SYS1: variants seen among roughly 807,000 people sequenced by gnomAD.
SYS1 encodes SYS1 golgi trafficking protein.
Under a neutral mutation model 17.8 loss-of-function variants are expected in SYS1, and 8 were observed. That is an observed-to-expected ratio of 0.45 (90% confidence interval 0.26 to 0.81). SYS1 has a LOEUF of 0.81. Among genes scored for constraint, SYS1 ranks in the 40% least tolerant of loss-of-function variants. The pLI is 0.16. For synonymous variants in SYS1, 95 were observed against 90.9 expected (o/e 1.05, Z -0.26); for missense variants, 161 against 203.9 (o/e 0.79, Z 1.28).
In SYS1 at chr20:45,367,763, A is replaced by G. The variant is rs1442968052; in HGVS notation, c.*648A>G. On this transcript the variant is annotated 3_prime_UTR_variant, in exon 4 of 4. Transcript: ENST00000243918. ...TGACTTTCTTCCAGTTCCTTCTACC[A>G]GGTCCCCATCCTGCTGCCAGCTCTC... is the stretch of plus-strand genomic sequence containing the variant. The G allele has an allele frequency of 3.0e-6, 3 of 986,392 alleles. No homozygotes were observed. The highest frequency in any genetic ancestry group is 1.2e-6 in the Non-Finnish European group (1 of 830,368). The allele number at this position is 986,392 out of a possible 1,614,324, so 61.1% of individuals were successfully genotyped here. A position where few individuals can be genotyped will look rare whatever the true frequency, so the allele number is the denominator to read the frequency against.
In SYS1 at chr20:45,375,136, C is replaced by T. The variant is rs763292687; in HGVS notation, c.*842C>T. ...CAGGGTGGAGGATCTGCACATCACCCTGGGCGCCGGGAGGTGGATTCGTGT... is the reference window on the plus strand; with the variant it reads ...CAGGGTGGAGGATCTGCACATCACCTTGGGCGCCGGGAGGTGGATTCGTGT... On this transcript the variant is annotated 3_prime_UTR_variant, in exon 4 of 4. Transcript: ENST00000426004. The T allele has an allele frequency of 4.3e-6, 7 of 1,614,192 alleles. No homozygotes were observed. The East Asian group carries it at 1.6e-4, about 36-fold the overall frequency.
rs1988434752 is a variant in SYS1, at chr20:45,366,916, G to C, written c.272G>C (p.Cys91Ser). 6.2e-7 allele frequency: 1 copy of C among 1,614,068 alleles called. No homozygotes were observed. Among genetic ancestry groups the C allele is most frequent in the Admixed American group, 1.7e-5 (1 of 60,008 alleles). The change falls in exon 4 of 4, where the codon TGT (cysteine) becomes TCT (serine). Residue 91 changes from cysteine (C) to serine (S), a missense_variant. By Grantham distance (112) the Cys-to-Ser change is moderately radical. Transcript: ENST00000243918. ...TACTTCATCCGGCGAGGAAAGCAGT[G>C]TCTGGATTTCACTGTCACTGTCCAT... Reference protein sequence around the residue: ...LLYFIRRGKQCLDFTVTVHFF... With the variant: ...LLYFIRRGKQSLDFTVTVHFF...
At chr20:45,371,917 C>A (rs577205245), downstream of SYS1, among the ~76,000 whole-genome samples, 1 of 152,304 alleles carries the variant, frequency 6.6e-6, no homozygotes, top group East Asian at 1.9e-4. Context: ...TTTGCTTAAA[C>A]CCCCCTGAAA....
exon 4 of SYS1, chr20:45,375,230 T>C (rs1021758785): frequency 1.2e-6 from 2 of 1,614,084 alleles, no homozygotes; most frequent in African/African-American, 2.7e-5. Context: ...ATGGGAGTTC[T>C]ATTGCGGTAG....
upstream of SYS1, among the ~76,000 whole-genome samples, chr20:45,362,389 G>A (rs574125415): frequency 2.0e-5 from 3 of 149,604 alleles, no homozygotes; most frequent in Non-Finnish European, 3.0e-5. Flanking sequence ...ATTTAGAGAC[G>A]GAGTTTTGCT....
At chr20:45,365,773 C>G in intron 3 of SYS1, 87 bp downstream of exon 3, 1 of 1,389,330 alleles carries the variant, frequency 7.2e-7, no homozygotes, top group Non-Finnish European at 1.0e-6. Context: ...CAGGCTGGCA[C>G]TTGTTTCTGG....
rs1448569628 is a variant in SYS1, at chr20:45,367,040, C to T, written c.396C>T (p.Val132=). The change falls in exon 4 of 4, where the codon GTC becomes GTT. Residue 132 remains valine, a synonymous_variant. Transcript: ENST00000243918. Reference sequence around the variant, plus strand: ...CCGTGTGCATTGCACTCATGGCTGTCATCGGGGAGTACCTGTGCATGCGGA... The same window carrying T: ...CCGTGTGCATTGCACTCATGGCTGTTATCGGGGAGTACCTGTGCATGCGGA... ...VQAVCIALMA[V]IGEYLCMRTE... is the part of the protein sequence containing the mutation. The T allele has an allele frequency of 6.2e-7, 1 of 1,614,088 alleles. No homozygotes were observed. The highest frequency in any genetic ancestry group is 1.3e-5 in the African/African-American group (1 of 74,920).
At chr20:45,371,901 GC>G (rs1370803953), downstream of SYS1, among the ~76,000 whole-genome samples, 12 of 152,212 alleles carry the variant, frequency 7.9e-5, no homozygotes, top group African/African-American at 2.9e-4. Flanking sequence ...CCTACATCAA[GC>G]TTGATTTGCT....
chr20:45,373,828 C>G (rs1988632342), downstream of SYS1: 1 of 1,383,132 alleles, frequency 7.2e-7, no homozygotes, highest in Non-Finnish European at 1.0e-6. Context: ...CTACCGAAGG[C>G]CTCTTTCCTT....
intron 3 of SYS1, chr20:45,365,930 C>A (rs962501279): frequency 2.6e-4 from 140 of 541,328 alleles, no homozygotes; most frequent in Middle Eastern, 1.5e-3. Flanking sequence ...TCTCAGATAA[C>A]TTCCCTGATG....
chr20:45,362,335 G>A (rs1417088927), upstream of SYS1, among the ~76,000 whole-genome samples: 1 of 143,046 alleles, frequency 7.0e-6, no homozygotes, highest in Non-Finnish European at 1.5e-5. Context: ...TAGTGTTGAG[G>A]AAACACTTGA....
downstream of SYS1, among the ~76,000 whole-genome samples, chr20:45,370,173 C>T (rs965802617): frequency 6.6e-6 from 1 of 151,384 alleles, no homozygotes; most frequent in African/African-American, 2.4e-5. Context: ...GTGATCCACC[C>T]GCCTCAGCCT....
Position 45,368,051 on chromosome 20 carries a change from G to T in SYS1, c.*936G>T. ...GCTGCTAAGATTTTTCTTTGGGGTG[G>T]AGTTTCCTCTGTGAGGGGCTTGCAG... On this transcript the variant is annotated 3_prime_UTR_variant, in exon 4 of 4. Transcript: ENST00000243918. The T allele has an allele frequency of 1.0e-6, 1 of 985,538 alleles. No individual in the cohort carries two copies. 61.0% of individuals were successfully genotyped at this position (985,538 alleles called of 1,614,324 possible). A position where few individuals can be genotyped will look rare whatever the true frequency, so the allele number is the denominator to read the frequency against.
In SYS1 at chr20:45,368,022, A is replaced by G. The variant is rs1267459814; in HGVS notation, c.*907A>G. On this transcript the variant is annotated 3_prime_UTR_variant, in exon 4 of 4. Coordinates refer to ENST00000243918, the MANE Select transcript of SYS1 (RefSeq NM_033542.4). ...GCTGATAGTGCTGAGGGAGATAGGA[A>G]TTTGCTGCTAAGATTTTTCTTTGGG... 1 of 985,448 alleles carries G rather than the reference A, an allele frequency of 1.0e-6. No homozygotes were observed. The highest frequency in any genetic ancestry group is 1.2e-6 in the Non-Finnish European group (1 of 829,984). The allele number at this position is 985,448 out of a possible 1,614,324, so 61.0% of individuals were successfully genotyped here.
chr20:45,367,860 C>T lies in SYS1; in HGVS notation c.*745C>T, dbSNP rs1988468752. ...AAGTCTAACCATCATAAAGACACTG[C>T]CTGTCTTCTAGGAATGACCAGGCAC... On this transcript the variant is annotated 3_prime_UTR_variant, in exon 4 of 4. Coordinates refer to ENST00000243918, the MANE Select transcript of SYS1 (RefSeq NM_033542.4). The T allele has an allele frequency of 2.2e-5, 22 of 985,732 alleles. No individual in the cohort carries two copies. The highest frequency in any genetic ancestry group is 2.5e-5 in the Non-Finnish European group (21 of 829,956). The allele number at this position is 985,732 out of a possible 1,614,324, so 61.1% of individuals were successfully genotyped here.
chr20:45,374,733 G>T, exon 4 of SYS1: 1 of 458,832 alleles, frequency 2.2e-6, no homozygotes, highest in South Asian at 3.9e-5. Context: ...CTGACTGTGA[G>T]ATTCAGAGCC....
chr20:45,362,003 G>A, upstream of SYS1: 1 of 985,368 alleles, frequency 1.0e-6, no homozygotes, highest in Non-Finnish European at 1.2e-6. Flanking sequence ...GAAGTTGATG[G>A]GTTTTCGTCT....
At position 45,374,779 on chromosome 20, in the gene SYS1, G is replaced by A. The variant is rs554022135; in HGVS notation, c.*485G>A. On this transcript the variant is annotated 3_prime_UTR_variant, in exon 4 of 4. Coordinates refer to the SYS1 transcript ENST00000426004. ...CCACCTCTGCTAAGGCCTTCAGGCA[G>A]TGAGATGGCTCACTTCAGTGCCCCT... 5 of 517,430 alleles carry A rather than the reference G, an allele frequency of 9.7e-6. No individual in the cohort carries two copies. In the East Asian group the frequency reaches 1.6e-4, roughly 16 times the overall value. 32.1% of individuals were successfully genotyped at this position (517,430 alleles called of 1,614,324 possible).
chr20:45,371,913 T>C, downstream of SYS1, among the ~76,000 whole-genome samples: 1 of 152,222 alleles, frequency 6.6e-6, no homozygotes. Flanking sequence ...TTGATTTGCT[T>C]AAACCCCCCT....
Sources: gnomAD v4.1 joint callset for allele counts (sites outside exome capture counted in the v4.1 genomes callset) on GRCh38, gnomAD v4.1.1 for gene constraint, MANE v1.5 for transcripts, NCBI Gene and HGNC (gene_info 2026-07-23, HGNC 2026-07-21) for gene names.